The following KAT2B variants were observed in gnomAD, a reference collection of about 807,000 sequenced individuals.
The protein encoded by KAT2B is lysine acetyltransferase 2B, also known as histone acetyltransferase KAT2B.
In KAT2B, 36 loss-of-function variants were observed where a neutral mutation model predicts 105.9. The ratio of observed to expected loss-of-function variants is 0.34; its 90% confidence interval spans 0.26 to 0.45. KAT2B has a LOEUF of 0.45. KAT2B is among the 20% of genes least tolerant of loss of function. KAT2B has a pLI of 1.00. For synonymous variants in KAT2B, 397 were observed against 377.9 expected (o/e 1.05, Z -0.59); for missense variants, 820 against 1,021.6 (o/e 0.80, Z 2.69).
chr3:20,049,168 C>G (rs2125164916), intron 1 of KAT2B, among the ~76,000 whole-genome samples: 1 of 152,168 alleles, frequency 6.6e-6, no homozygotes, highest in South Asian at 2.1e-4. Context: ...CCGGGCATCG[C>G]CTTAACTGCC....
chr3:20,148,203 A>G (rs2125198377), intron 15 of KAT2B, 40 bp from the exon 16 acceptor site: 1 of 1,563,164 alleles, frequency 6.4e-7, no homozygotes, highest in East Asian at 2.2e-5. Flanking sequence ...ATAGGGTAAA[A>G]CTCTAATCAT....
At chr3:20,112,590 G>T (rs1415324138) in intron 6 of KAT2B, among the ~76,000 whole-genome samples, 1 of 152,186 alleles carries the variant, frequency 6.6e-6, no homozygotes. Flanking sequence ...AGCGAGAAAT[G>T]AATGAGACAG....
At chr3:20,069,524 CTTTTCTTT>C (rs745753374) in intron 1 of KAT2B, among the ~76,000 whole-genome samples, 4 of 144,364 alleles carry the variant, frequency 2.8e-5, no homozygotes, top group Admixed American at 7.0e-5. Context: ...CTTTTCTTTT[CTTTTCTTT>C]TTTTTTTTTT....
intron 1 of KAT2B, among the ~76,000 whole-genome samples, chr3:20,065,065 C>T (rs903956356): frequency 6.6e-6 from 1 of 152,184 alleles, no homozygotes; most frequent in African/African-American, 2.4e-5. Flanking sequence ...CATCATCCAT[C>T]CTGGTTTCTG....
Position 20,119,652 on chromosome 3 carries a change from C to A in KAT2B, c.1205C>A (p.Ser402Tyr). 1 of 1,614,108 alleles carries A rather than the reference C, an allele frequency of 6.2e-7. No individual in the cohort carries two copies. Among genetic ancestry groups the A allele is most frequent in the Non-Finnish European group, 8.5e-7 (1 of 1,179,978 alleles). ...ATTTCATACAATTCAACCTCATCTT[C>A]CCTTGAGCAGCCAAACGCAGGGAGC... is the stretch of plus-strand genomic sequence containing the variant. ...GTISYNSTSS[S>Y]LEQPNAGSSS... is the part of the protein sequence containing the mutation. Residue 402 changes from serine (S) to tyrosine (Y), a missense_variant, in exon 8 of 18, where the codon TCC (serine) becomes TAC (tyrosine). Transcript: ENST00000263754.
rs140517174 is a variant in KAT2B at position 20,064,172 on chromosome 3, G to C, written c.304-8161G>C. The stretch of plus-strand genomic sequence containing the variant: ...CAATTTTTCACATGCCTGATAATTT[G>C]TTATTGTCAGCTCCTTTTGAAAAAA... On this transcript the variant is annotated intron_variant, in intron 1 of 17. Transcript: ENST00000263754. Among the ~76,000 whole-genome samples, 219 of 152,216 alleles carry C rather than the reference G, an allele frequency of 1.4e-3. 1 individual carries two copies. The highest frequency in any genetic ancestry group is 5.2e-3 in the African/African-American group (214 of 41,552).
intron 17 of KAT2B, 51 bp from the exon 18 acceptor site, chr3:20,152,281 C>T: frequency 7.6e-7 from 1 of 1,311,450 alleles, no homozygotes; most frequent in Non-Finnish European, 1.1e-6. Context: ...GTTTTGTCAG[C>T]TGGTGTTTAA....
intron 4 of KAT2B, 116 bp from the exon 5 acceptor site, chr3:20,101,171 G>A (rs1171103683): frequency 2.6e-6 from 2 of 776,244 alleles, no homozygotes; most frequent in Non-Finnish European, 4.1e-6. Context: ...AGATTTTTGT[G>A]AATAGAGAAA....
chr3:20,132,042 T>C (rs150557507), intron 11 of KAT2B, among the ~76,000 whole-genome samples: 92 of 152,324 alleles, frequency 6.0e-4, no homozygotes, highest in African/African-American at 2.1e-3. Flanking sequence ...GAGAATTTAT[T>C]TGAAGCTCCT....
At chr3:20,101,639 A>T (rs1012996618) in intron 5 of KAT2B, among the ~76,000 whole-genome samples, 171 bp downstream of exon 5, 6 of 152,170 alleles carry the variant, frequency 3.9e-5, no homozygotes, top group African/African-American at 1.4e-4. Flanking sequence ...TTGCTATCAT[A>T]ATATGTTGAG....
rs779935577 is a variant in KAT2B, at chr3:20,119,605, T to C, written c.1158T>C (p.Asn386=). The change falls in exon 8 of 18, where the codon AAT becomes AAC. Residue 386 remains asparagine, a synonymous_variant. Transcript: ENST00000263754. ...TSQLGIQTVI[N]PPPVAGTISY... Reference sequence around the variant, plus strand: ...CTCCTTTTGCCGGGGCAGTTATCAATCCACCTCCTGTGGCTGGGACAATTT... The same window carrying C: ...CTCCTTTTGCCGGGGCAGTTATCAACCCACCTCCTGTGGCTGGGACAATTT... The C allele has an allele frequency of 4.3e-6, 7 of 1,614,058 alleles. No individual in the cohort carries two copies. In the East Asian group the frequency reaches 1.3e-4, roughly 31 times the overall value.
At chr3:20,113,840 C>T (rs1381522884) in intron 6 of KAT2B, among the ~76,000 whole-genome samples, 1 of 152,094 alleles carries the variant, frequency 6.6e-6, no homozygotes, top group African/African-American at 2.4e-5. Flanking sequence ...TAATGTGTGC[C>T]TCTTTCCCCA....
intron 2 of KAT2B, among the ~76,000 whole-genome samples, chr3:20,076,982 T>A (rs1374536306): frequency 6.6e-6 from 1 of 152,220 alleles, no homozygotes; most frequent in African/African-American, 2.4e-5. Flanking sequence ...ATTCTATTGA[T>A]TAAATGTTGG....
Position 20,136,992 on chromosome 3 carries a change from T to C in KAT2B, c.1800T>C (p.His600=). The change falls in exon 12 of 18, where the codon CAT becomes CAC. Residue 600 remains histidine, a synonymous_variant. Transcript: ENST00000263754. ...ATTTGAAAGAATATCACATAAAGCA[T>C]GACATCCTGAACTTCCTCACATATG... ...MNHLKEYHIK[H]DILNFLTYAD... is the part of the protein sequence containing the mutation. The C allele has an allele frequency of 6.2e-7, 1 of 1,611,510 alleles. No homozygotes were observed. The highest frequency in any genetic ancestry group is 8.5e-7 in the Non-Finnish European group (1 of 1,177,766).
chr3:20,122,727 A>T lies in KAT2B; in HGVS notation c.1336A>T (p.Met446Leu). 1.2e-6 allele frequency: 2 copies of T among 1,614,032 alleles called. No homozygotes were observed. The highest frequency in any genetic ancestry group is 1.7e-6 in the Non-Finnish European group (2 of 1,179,896). Reference sequence around the variant, plus strand: ...GGAGGAGGCCAAGAAACCCCGAGTTATGGGGGATATTCCGATGGAATTAAT... The same window carrying T: ...GGAGGAGGCCAAGAAACCCCGAGTTTTGGGGGATATTCCGATGGAATTAAT... ...VLEEAKKPRV[M>L]GDIPMELINE... The change falls in exon 9 of 18, where the codon ATG (methionine) becomes TTG (leucine). Residue 446 changes from methionine to leucine, a missense_variant. Transcript: ENST00000263754.
rs1699807942 is a variant in KAT2B at position 20,148,042 on chromosome 3, T to C, written c.2156+43T>C. The C allele has an allele frequency of 2.5e-6, 4 of 1,590,036 alleles. No individual in the cohort carries two copies. In the East Asian group the frequency reaches 6.7e-5, roughly 27 times the overall value. On this transcript the variant is annotated intron_variant, in intron 15 of 17. Transcript: ENST00000263754. ...GAGGATGTTAATGGAAGTGATTTTT[T>C]TTTTTCCCCACCAAGCAACTTAAAG...
At chr3:20,069,181 A>G (rs1698275578) in intron 1 of KAT2B, among the ~76,000 whole-genome samples, 1 of 152,220 alleles carries the variant, frequency 6.6e-6, no homozygotes, top group African/African-American at 2.4e-5. Flanking sequence ...GAGTAACTCA[A>G]GGAGGTAGTT....
Position 20,119,697 on chromosome 3 carries a change from C to G in KAT2B, c.1250C>G (p.Ala417Gly), listed in dbSNP as rs572933390. 1.9e-6 allele frequency: 3 copies of G among 1,614,076 alleles called. No individual in the cohort carries two copies. In the East Asian group the frequency reaches 6.7e-5, roughly 36 times the overall value. ...NAGSSSPACK[A>G]SSGLEANPGE... is the part of the protein sequence containing the mutation. ...GGGAGCAGCAGTCCTGCCTGCAAAGCCTCTTCTGGACTTGAGGCAAACCCA... is the reference window on the plus strand; with the variant it reads ...GGGAGCAGCAGTCCTGCCTGCAAAGGCTCTTCTGGACTTGAGGCAAACCCA... Residue 417 changes from alanine to glycine, a missense_variant, in exon 8 of 18, where the codon GCC becomes GGC. By Grantham distance (60) the Ala-to-Gly change is moderately conservative. Coordinates refer to ENST00000263754, the MANE Select transcript of KAT2B (RefSeq NM_003884.5).
chr3:20,067,958 T>C (rs1298273226), intron 1 of KAT2B, among the ~76,000 whole-genome samples: 1 of 150,508 alleles, frequency 6.6e-6, no homozygotes, highest in African/African-American at 2.4e-5. Flanking sequence ...TACCTGTGCC[T>C]GTCCCGTCTG....
Sources: allele counts gnomAD v4.1 joint callset (sites outside exome capture counted in the v4.1 genomes callset), GRCh38; gene constraint gnomAD v4.1.1; transcripts MANE v1.5; gene names NCBI Gene and HGNC (gene_info 2026-07-23, HGNC 2026-07-21).